Variants in ST6GALNAC3 observed in about 807,000 individuals in gnomAD.
ST6GALNAC3 encodes alpha-N-acetylgalactosaminide alpha-2,6-sialyltransferase 3.
Under a neutral mutation model 32.7 loss-of-function variants are expected in ST6GALNAC3, and 25 were observed. The observed-to-expected ratio is 0.76, with a 90% CI of 0.56 to 1.07. The LOEUF (loss-of-function observed/expected upper bound fraction) is 1.07, where lower values mean the gene tolerates loss of function less well. ST6GALNAC3 is among the 50% of genes least tolerant of loss of function. ST6GALNAC3 has a pLI of 0.00. For missense variants in ST6GALNAC3, 355 were observed against 382.4 expected (o/e 0.93, Z 0.60); for synonymous variants, 129 against 133.1 (o/e 0.97, Z 0.21).
chr1:76,382,360 A>G (rs1399614849), intron 2 of ST6GALNAC3, among the ~76,000 whole-genome samples: 1 of 152,218 alleles, frequency 6.6e-6, no homozygotes. Flanking sequence ...GTGTAAGAAA[A>G]TAGATATCAG....
At chr1:76,345,072 G>C (rs1209097613) in intron 2 of ST6GALNAC3, among the ~76,000 whole-genome samples, 1 of 152,102 alleles carries the variant, frequency 6.6e-6, no homozygotes. Flanking sequence ...ACCAATTCAT[G>C]TTGATCCCCT....
intron 3 of ST6GALNAC3, among the ~76,000 whole-genome samples, chr1:76,612,620 G>A (rs1218662182): frequency 1.3e-5 from 2 of 152,106 alleles, no homozygotes; most frequent in Non-Finnish European, 2.9e-5. Context: ...TTAAAACCAT[G>A]GTTGAGAGCA....
chr1:76,151,795 G>A (rs1047649981), intron 1 of ST6GALNAC3, among the ~76,000 whole-genome samples: 4 of 152,196 alleles, frequency 2.6e-5, no homozygotes, highest in Non-Finnish European at 5.9e-5. Flanking sequence ...CTTTGCTGCA[G>A]GTCCCATCCC....
At chr1:76,580,244 G>T (rs1193529939) in intron 3 of ST6GALNAC3, among the ~76,000 whole-genome samples, 1 of 151,960 alleles carries the variant, frequency 6.6e-6, no homozygotes, top group Admixed American at 6.6e-5. Flanking sequence ...CCCATCTTTG[G>T]CCTGTAAGAG....
intron 1 of ST6GALNAC3, among the ~76,000 whole-genome samples, chr1:76,274,408 A>G (rs1418149840): frequency 1.1e-4 from 16 of 152,142 alleles, no homozygotes; most frequent in Admixed American, 1.0e-3. Flanking sequence ...GCAATCTTTT[A>G]TGACTTTGCC....
chr1:76,287,387 CTTTTT>C (rs5775339), intron 1 of ST6GALNAC3, among the ~76,000 whole-genome samples: 2 of 130,754 alleles, frequency 1.5e-5, no homozygotes, highest in Non-Finnish European at 3.2e-5. Flanking sequence ...TTTTTTCTTC[CTTTTT>C]TTTTTTTTTT....
intron 1 of ST6GALNAC3, among the ~76,000 whole-genome samples, chr1:76,208,690 C>G (rs1654970926): frequency 6.6e-6 from 1 of 151,218 alleles, no homozygotes; most frequent in African/African-American, 2.4e-5. Context: ...GAATCTCTTT[C>G]CATTATGATG....
At chr1:76,406,846 TCTCA>T (rs1295968206) in intron 2 of ST6GALNAC3, among the ~76,000 whole-genome samples, 1 of 151,984 alleles carries the variant, frequency 6.6e-6, no homozygotes, top group Non-Finnish European at 1.5e-5. Context: ...ATCATGTTTA[TCTCA>T]ACTTCCTCAA....
At chr1:76,450,329 A>G (rs1004310713) in intron 3 of ST6GALNAC3, among the ~76,000 whole-genome samples, 1 of 152,052 alleles carries the variant, frequency 6.6e-6, no homozygotes, top group Non-Finnish European at 1.5e-5. Context: ...TTCTCTGATC[A>G]TTAGTGATTT....
chr1:76,603,358 A>G (rs892695627), intron 3 of ST6GALNAC3, among the ~76,000 whole-genome samples: 1 of 152,220 alleles, frequency 6.6e-6, no homozygotes, highest in Admixed American at 6.5e-5. Flanking sequence ...ATTGTTATGA[A>G]TGCATAAATG....
intron 3 of ST6GALNAC3, among the ~76,000 whole-genome samples, chr1:76,565,378 C>T (rs1417582953): frequency 6.6e-6 from 1 of 152,092 alleles, no homozygotes; most frequent in African/African-American, 2.4e-5. Context: ...ACAGTTGTCC[C>T]CCTCCCCCAG....
At chr1:76,398,071 G>A (rs550314746) in intron 2 of ST6GALNAC3, among the ~76,000 whole-genome samples, 5 of 151,974 alleles carry the variant, frequency 3.3e-5, no homozygotes, top group Admixed American at 6.5e-5. Context: ...TCTTATTTTG[G>A]TTCCAGTCCT....
At chr1:76,401,327 G>A (rs2101215686) in intron 2 of ST6GALNAC3, among the ~76,000 whole-genome samples, 1 of 151,938 alleles carries the variant, frequency 6.6e-6, no homozygotes, top group South Asian at 2.1e-4. Context: ...TTTATTTCAT[G>A]TATTATATTT....
At chr1:76,112,380 C>T (rs1465806147) in intron 1 of ST6GALNAC3, among the ~76,000 whole-genome samples, 2 of 147,104 alleles carry the variant, frequency 1.4e-5, no homozygotes, top group African/African-American at 2.6e-5. Flanking sequence ...GCTGACCCCC[C>T]CACCTCCTTC....
chr1:76,576,912 C>G (rs753389110), intron 3 of ST6GALNAC3: 13 of 1,298,378 alleles, frequency 1.0e-5, no homozygotes, highest in African/African-American at 1.5e-5. Context: ...TGCCCCACCA[C>G]AAAAGGAAGG....
At chr1:76,135,747 G>A (rs1649905606) in intron 1 of ST6GALNAC3, among the ~76,000 whole-genome samples, 1 of 152,270 alleles carries the variant, frequency 6.6e-6, no homozygotes, top group African/African-American at 2.4e-5. Flanking sequence ...CTTCTTCAAA[G>A]CCTAATTCAG....
chr1:76,168,179 A>G (rs1274737160), intron 1 of ST6GALNAC3, among the ~76,000 whole-genome samples: 1 of 152,054 alleles, frequency 6.6e-6, no homozygotes, highest in African/African-American at 2.4e-5. Context: ...ATTATGCTAC[A>G]TTGTATCTTT....
intron 1 of ST6GALNAC3, among the ~76,000 whole-genome samples, chr1:76,125,874 A>G (rs1344837082): frequency 6.6e-6 from 1 of 152,146 alleles, no homozygotes; most frequent in Non-Finnish European, 1.5e-5. Flanking sequence ...ACTGACACTC[A>G]CCACACCAAT....
At chr1:76,433,658 C>G (rs1366671499) in intron 3 of ST6GALNAC3, among the ~76,000 whole-genome samples, 1 of 152,194 alleles carries the variant, frequency 6.6e-6, no homozygotes, top group African/African-American at 2.4e-5. Context: ...TGGAGATGGA[C>G]AGCAGTCTGT....
Sources: allele counts gnomAD v4.1 joint callset (sites outside exome capture counted in the v4.1 genomes callset), GRCh38; gene constraint gnomAD v4.1.1; transcripts MANE v1.5; gene names NCBI Gene and HGNC (gene_info 2026-07-23, HGNC 2026-07-21).